Variants in OR7C1 observed in about 807,000 individuals in gnomAD.
The protein encoded by OR7C1 is olfactory receptor family 7 subfamily C member 1, also known as olfactory receptor 7C1.
For missense variants in OR7C1, 324 were observed against 383.3 expected (o/e 0.85, Z 1.29); for synonymous variants, 152 against 160.7 (o/e 0.95, Z 0.41).
intron 2 of OR7C1, among the ~76,000 whole-genome samples, chr19:14,805,459 A>T: frequency 1.6e-5 from 2 of 124,928 alleles, no homozygotes; most frequent in African/African-American, 3.1e-5. Flanking sequence ...TCTGTCACCC[A>T]GGCTGGAGTG....
At chr19:14,799,941 G>C (rs772251459) in exon 5 of OR7C1, 2 of 1,614,150 alleles carry the variant, frequency 1.2e-6, no homozygotes, top group South Asian at 2.2e-5. Context: ...GCAAAAGACA[G>C]GTTGGAGAGG....
chr19:14,810,816 C>T (rs867829835), intron 1 of OR7C1, among the ~76,000 whole-genome samples: 3 of 151,840 alleles, frequency 2.0e-5, no homozygotes, highest in Non-Finnish European at 4.4e-5. Flanking sequence ...GCAGAGTTAG[C>T]GTTTTCTTGT....
At chr19:14,827,084 C>A (rs2044774633) in intron 1 of OR7C1, 2 of 458,992 alleles carry the variant, frequency 4.4e-6, no homozygotes, top group Non-Finnish European at 7.2e-6. Flanking sequence ...AGGAAAACAA[C>A]AAAGAGAAAA....
chr19:14,816,237 G>T (rs529864450), intron 1 of OR7C1, among the ~76,000 whole-genome samples: 6 of 152,256 alleles, frequency 3.9e-5, no homozygotes, highest in African/African-American at 1.4e-4. Flanking sequence ...GGAGTGATAA[G>T]GTGTGTGATG....
In OR7C1 at chr19:14,829,391, C is replaced by G. The variant is rs369402446; in HGVS notation, c.-623+5683G>C. The stretch of plus-strand genomic sequence containing the variant: ...GCTAATTTTGTATTTTTAGTAGAGA[C>G]GGGGTTTCTCCATGTTGGTCAGGCT... On this transcript the variant is annotated intron_variant, in intron 1 of 4. Coordinates refer to ENST00000641666, the Ensembl canonical transcript of OR7C1. Among the ~76,000 whole-genome samples the G allele has an allele frequency of 3.5e-3, 532 of 152,190 alleles. 3 individuals carry two copies. The highest frequency in any genetic ancestry group is 0.012 in the African/African-American group (511 of 41,522).
At chr19:14,823,778 T>C (rs1171210010) in intron 1 of OR7C1, among the ~76,000 whole-genome samples, 1 of 152,204 alleles carries the variant, frequency 6.6e-6, no homozygotes, top group East Asian at 1.9e-4. Flanking sequence ...CGTGTTTGAG[T>C]CTTTAACCTA....
chr19:14,816,644 T>C (rs1479620215), intron 1 of OR7C1, among the ~76,000 whole-genome samples: 1 of 152,206 alleles, frequency 6.6e-6, no homozygotes, highest in Non-Finnish European at 1.5e-5. Flanking sequence ...GGGACTCAGA[T>C]TGTCTTCCTT....
chr19:14,817,695 AT>A, intron 1 of OR7C1, among the ~76,000 whole-genome samples: 1 of 152,316 alleles, frequency 6.6e-6, no homozygotes, highest in Admixed American at 6.5e-5. Context: ...TAGTTGACTG[AT>A]TATTTCATAA....
At chr19:14,809,448 T>C (rs1041873027) in intron 2 of OR7C1, among the ~76,000 whole-genome samples, 1 of 151,250 alleles carries the variant, frequency 6.6e-6, no homozygotes, top group Admixed American at 6.6e-5. Context: ...GAAACAGTAA[T>C]GGAGAGCAAG....
At chr19:14,814,782 CTT>C (rs1020909250) in intron 1 of OR7C1, among the ~76,000 whole-genome samples, 3 of 152,168 alleles carry the variant, frequency 2.0e-5, no homozygotes, top group African/African-American at 7.2e-5. Context: ...CCCAGAAAAA[CTT>C]TTAAAACTTC....
chr19:14,816,234 T>C (rs758296016), intron 1 of OR7C1, among the ~76,000 whole-genome samples: 3 of 152,148 alleles, frequency 2.0e-5, no homozygotes, highest in African/African-American at 4.8e-5. Context: ...AAAGGAGTGA[T>C]AAGGTGTGTG....
intron 1 of OR7C1, among the ~76,000 whole-genome samples, chr19:14,814,816 A>G (rs2044708784): frequency 6.6e-6 from 1 of 152,220 alleles, no homozygotes; most frequent in Admixed American, 6.5e-5. Context: ...TGACGGGACG[A>G]GAGGTCAAAC....
At chr19:14,806,254 A>G (rs529451813) in intron 2 of OR7C1, among the ~76,000 whole-genome samples, 1 of 152,082 alleles carries the variant, frequency 6.6e-6, no homozygotes, top group South Asian at 2.1e-4. Flanking sequence ...GAATCTAAAA[A>G]TGTGTTTTTG....
chr19:14,827,090 GA>G (rs974726896), intron 1 of OR7C1: 7 of 480,784 alleles, frequency 1.5e-5, no homozygotes, highest in African/African-American at 2.0e-5. Flanking sequence ...ACAACAAAGA[GA>G]AAAAACTGTT....
chr19:14,826,616 T>C (rs1056698254), intron 1 of OR7C1: 33 of 152,222 alleles, frequency 2.2e-4, no homozygotes, highest in African/African-American at 7.7e-4. Context: ...CTCCATCATA[T>C]TTAAGGTCAT....
intron 1 of OR7C1, among the ~76,000 whole-genome samples, chr19:14,821,071 C>T (rs1371785398): frequency 2.0e-5 from 3 of 152,010 alleles, no homozygotes; most frequent in Non-Finnish European, 4.4e-5. Context: ...AACCCTGTCT[C>T]TACTAAAAAT....
chr19:14,828,586 C>G (rs1204605961), intron 1 of OR7C1, among the ~76,000 whole-genome samples: 1 of 151,746 alleles, frequency 6.6e-6, no homozygotes, highest in Non-Finnish European at 1.5e-5. Context: ...TGGTGAAACC[C>G]TGTCTCTAGT....
intron 1 of OR7C1, among the ~76,000 whole-genome samples, chr19:14,819,684 C>T (rs191741194): frequency 4.4e-4 from 67 of 152,184 alleles, no homozygotes; most frequent in African/African-American, 1.6e-3. Flanking sequence ...TTGAGATTTC[C>T]TGTGTATTCT....
At chr19:14,799,982 T>C (rs1348750822) in exon 5 of OR7C1, 1 of 1,613,012 alleles carries the variant, frequency 6.2e-7, no homozygotes, top group African/African-American at 1.3e-5. Flanking sequence ...GAGGTGGGAG[T>C]CTGAGCATAT....
Sources: allele counts gnomAD v4.1 joint callset (sites outside exome capture counted in the v4.1 genomes callset), GRCh38; gene constraint gnomAD v4.1.1; transcripts MANE v1.5; gene names NCBI Gene and HGNC (gene_info 2026-07-23, HGNC 2026-07-21).